The following ANKRD37 variants were observed in gnomAD, a reference collection of about 807,000 sequenced individuals.
The protein encoded by ANKRD37 is ankyrin repeat domain-containing protein 37.
Under a neutral mutation model 19.7 loss-of-function variants are expected in ANKRD37, and 17 were observed. The observed-to-expected ratio is 0.86, with a 90% CI of 0.59 to 1.29. The LOEUF is 1.29. Ranked by LOEUF, ANKRD37 falls within the 50% of genes most tolerant of loss-of-function variation. The pLI, the probability that ANKRD37 is intolerant of heterozygous loss-of-function variation, is 0.00. For synonymous variants in ANKRD37, 79 were observed against 74.5 expected (o/e 1.06, Z -0.31); for missense variants, 207 against 190.4 (o/e 1.09, Z -0.51).
intron 2 of ANKRD37, chr4:185,397,714 T>C (rs539826769): frequency 3.9e-4 from 70 of 181,670 alleles, no homozygotes; most frequent in Admixed American, 5.9e-4. Flanking sequence ...CTGTTGACTA[T>C]CATATTGAAC....
chr4:185,398,342 A>G (rs368007359), intron 2 of ANKRD37, among the ~76,000 whole-genome samples: 9 of 152,172 alleles, frequency 5.9e-5, no homozygotes, highest in African/African-American at 2.2e-4. Context: ...CTTACCGAGG[A>G]AAAAAACAAA....
downstream of ANKRD37, chr4:185,400,321 A>C: frequency 7.8e-7 from 1 of 1,283,312 alleles, no homozygotes; most frequent in Non-Finnish European, 1.1e-6. Context: ...ATTTAATGTG[A>C]AAAATTAAAC....
intron 2 of ANKRD37, 156 bp downstream of exon 2, chr4:185,397,458 A>C: frequency 9.3e-7 from 1 of 1,080,270 alleles, no homozygotes; most frequent in Non-Finnish European, 1.3e-6. Context: ...GTAATTTAAG[A>C]GTTTTTTTCC....
intron 2 of ANKRD37, chr4:185,397,672 A>G (rs2095506876): frequency 4.7e-6 from 1 of 212,830 alleles, no homozygotes; most frequent in African/African-American, 2.4e-5. Context: ...AAATCAGACT[A>G]GCCACATTTC....
chr4:185,398,243 C>T (rs1396548642), intron 2 of ANKRD37, among the ~76,000 whole-genome samples: 6 of 152,190 alleles, frequency 3.9e-5, no homozygotes, highest in African/African-American at 1.4e-4. Context: ...CAGGCGTGAG[C>T]CACCGCGCCC....
Position 185,397,268 on chromosome 4 carries a change from G to C in ANKRD37, c.146G>C (p.Trp49Ser). The part of the protein sequence containing the change: ...AGSGLACFLL[W>S]QLQTGADLNQ... ...AGCGGCCTTGCTTGCTTTCTTCTCT[G>C]GCAGCTGCAAACGGGCGCTGACCTC... is the stretch of plus-strand genomic sequence containing the variant. Residue 49 changes from tryptophan to serine, a missense_variant, in exon 2 of 5, where the codon TGG (tryptophan) becomes TCG (serine). By Grantham distance (177) the Trp-to-Ser change is radical. Coordinates refer to ENST00000335174, the MANE Select transcript of ANKRD37 (RefSeq NM_181726.4). The C allele has an allele frequency of 3.1e-6, 5 of 1,614,068 alleles. No homozygotes were observed. The highest frequency in any genetic ancestry group is 4.2e-6 in the Non-Finnish European group (5 of 1,180,030).
chr4:185,397,515 CATT>C, intron 2 of ANKRD37: 1 of 564,182 alleles, frequency 1.8e-6, no homozygotes, highest in Non-Finnish European at 2.9e-6. Flanking sequence ...TAAGTAGCCA[CATT>C]AATAAACGAA....
intron 2 of ANKRD37, chr4:185,397,655 G>A (rs922180032): frequency 1.8e-5 from 4 of 228,518 alleles, no homozygotes; most frequent in Non-Finnish European, 2.6e-5. Context: ...GTGTGACAGC[G>A]TATCTCAAAT....
At position 185,399,737 on chromosome 4, in the gene ANKRD37, G is replaced by A; in HGVS notation, c.440G>A (p.Gly147Glu). 1 of 1,614,112 alleles carries A rather than the reference G, an allele frequency of 6.2e-7. No homozygotes were observed. Among genetic ancestry groups the A allele is most frequent in the Non-Finnish European group, 8.5e-7 (1 of 1,180,004 alleles). ...VAVLRQKRSL[G>E]SVENTSGKRK... The stretch of plus-strand genomic sequence containing the variant: ...GTGCTCAGACAGAAACGGAGTCTCG[G>A]AAGTGTAGAAAATACCAGTGGGAAA... Residue 147 changes from glycine to glutamate, a missense_variant, in exon 4 of 5, where the codon GGA becomes GAA. Coordinates refer to ENST00000335174, the MANE Select transcript of ANKRD37 (RefSeq NM_181726.4).
In ANKRD37 at chr4:185,400,032, T is replaced by C; in HGVS notation, c.*15T>C. The C allele has an allele frequency of 1.3e-6, 2 of 1,585,178 alleles. No individual in the cohort carries two copies. Among genetic ancestry groups the C allele is most frequent in the Non-Finnish European group, 1.7e-6 (2 of 1,161,556 alleles). On this transcript the variant is annotated 3_prime_UTR_variant, in exon 5 of 5. Transcript: ENST00000335174. ...TTAAAAACAGATGTCACGTGGGTTA[T>C]GAAGAAGTCTGAAGAACGCCTTCAT...
At chr4:185,399,930 AC>A (rs1407143007) in intron 4 of ANKRD37, 86 bp from the exon 5 acceptor site, 10 of 1,556,122 alleles carry the variant, frequency 6.4e-6, no homozygotes, top group Non-Finnish European at 8.7e-6. Context: ...GAGTCTAGAG[AC>A]CAAAAATGGG....
rs976339233 is a variant in ANKRD37, at chr4:185,399,868, T to C, written c.476+95T>C. The C allele has an allele frequency of 7.7e-6, 12 of 1,559,868 alleles. No homozygotes were observed. The Middle Eastern group carries it at 5.1e-4, about 66-fold the overall frequency. ...CATTTAATACTGACACTCGTATTTCTAGTAGTATTGTTTCATTCTCATTAA... is the reference window on the plus strand; with the variant it reads ...CATTTAATACTGACACTCGTATTTCCAGTAGTATTGTTTCATTCTCATTAA... On this transcript the variant is annotated intron_variant, in intron 4 of 4. Coordinates refer to ENST00000335174, the MANE Select transcript of ANKRD37 (RefSeq NM_181726.4).
chr4:185,397,391 G>A, intron 2 of ANKRD37, 89 bp downstream of exon 2: 1 of 1,498,210 alleles, frequency 6.7e-7, no homozygotes, highest in Non-Finnish European at 9.0e-7. Flanking sequence ...TGTTTCAGCT[G>A]TTAAAAACAT....
At position 185,397,130 on chromosome 4, in the gene ANKRD37, G is replaced by C. The variant is rs768152826; in HGVS notation, c.28-20G>C. 5.6e-6 allele frequency: 9 copies of C among 1,612,780 alleles called. No individual in the cohort carries two copies. The highest frequency in any genetic ancestry group is 3.3e-5 in the Admixed American group (2 of 59,994). On this transcript the variant is annotated intron_variant, in intron 1 of 4. Transcript: ENST00000335174. ...CTGGACAAAGGTGGGAAGGGTGCTG[G>C]ATCTGTTCTCTTCCTGCAGGTGGAT...
At chr4:185,400,314 T>C (rs2095511776), downstream of ANKRD37, 1 of 1,178,272 alleles carries the variant, frequency 8.5e-7, no homozygotes, top group South Asian at 1.4e-5. Flanking sequence ...AACCAGGATT[T>C]AATGTGAAAA....
chr4:185,397,311 G>GT lies in ANKRD37; in HGVS notation c.180+10dup, dbSNP rs2126867972. Reference sequence around the variant, plus strand: ...CTGACCTCAACCAGCAGGTAACTAGGTAACTGTTGCTGTGTACAGCCGTCC... The same window carrying GT: ...CTGACCTCAACCAGCAGGTAACTAGGTTAACTGTTGCTGTGTACAGCCGTCC... On this transcript the variant is annotated intron_variant, in intron 2 of 4. Transcript: ENST00000335174. The GT allele has an allele frequency of 6.2e-7, 1 of 1,613,466 alleles. No individual in the cohort carries two copies. The highest frequency in any genetic ancestry group is 8.5e-7 in the Non-Finnish European group (1 of 1,179,816).
Position 185,400,064 on chromosome 4 carries a change from C to A in ANKRD37, c.*47C>A. ...GTCTGAAGAACGCCTTCATTTCATG[C>A]AAATCTATAAGCTCCTGCTTTTGGC... On this transcript the variant is annotated 3_prime_UTR_variant, in exon 5 of 5. Coordinates refer to ENST00000335174, the MANE Select transcript of ANKRD37 (RefSeq NM_181726.4). 1 of 1,511,258 alleles carries A rather than the reference C, an allele frequency of 6.6e-7. No homozygotes were observed. Among genetic ancestry groups the A allele is most frequent in the Non-Finnish European group, 9.1e-7 (1 of 1,097,536 alleles). 93.6% of individuals were successfully genotyped at this position (1,511,258 alleles called of 1,614,324 possible). A position where few individuals can be genotyped will look rare whatever the true frequency, so the allele number is the denominator to read the frequency against.
intron 2 of ANKRD37, chr4:185,397,576 T>C: frequency 2.5e-6 from 1 of 404,894 alleles, no homozygotes; most frequent in Non-Finnish European, 4.4e-6. Flanking sequence ...TGTTATCAGT[T>C]CAATATGTAA....
chr4:185,399,258 CTG>C (rs2095510114), intron 3 of ANKRD37, among the ~76,000 whole-genome samples: 1 of 152,168 alleles, frequency 6.6e-6, no homozygotes, highest in Non-Finnish European at 1.5e-5. Context: ...TTCATTATGA[CTG>C]TATTCTACTT....
Sources: allele counts gnomAD v4.1 joint callset (sites outside exome capture counted in the v4.1 genomes callset), GRCh38; gene constraint gnomAD v4.1.1; transcripts MANE v1.5; gene names NCBI Gene and HGNC (gene_info 2026-07-23, HGNC 2026-07-21).